Variants in KANSL1 observed in about 807,000 individuals in gnomAD.
The protein encoded by KANSL1 is MLL1/MLL complex subunit KANSL1.
KANSL1 carries 22 observed loss-of-function variants against 103.6 expected under a neutral mutation model. The observed-to-expected ratio is 0.21, with a 90% CI of 0.15 to 0.30. The LOEUF (loss-of-function observed/expected upper bound fraction) is 0.30, where lower values mean the gene tolerates loss of function less well. Among genes scored for constraint, KANSL1 ranks in the 10% least tolerant of loss-of-function variants. The pLI is 1.00. For missense variants in KANSL1, 1,337 were observed against 1,399.8 expected, an observed-to-expected ratio of 0.96 and a Z score of 0.72; for synonymous variants, 600 against 527.6, an observed-to-expected ratio of 1.14 and a Z score of -1.88.
chr17:46,103,448 T>C lies in KANSL1; in HGVS notation c.1290-8747A>G, dbSNP rs372588715. Reference sequence around the variant, plus strand: ...AAATGTAAGGTCTTTTAAGAATATATACCAGTATATTTTATAATCTAAAAA... The same window carrying C: ...AAATGTAAGGTCTTTTAAGAATATACACCAGTATATTTTATAATCTAAAAA... On this transcript the variant is annotated intron_variant, in intron 2 of 14. Coordinates refer to ENST00000432791, the MANE Select transcript of KANSL1 (RefSeq NM_015443.4). Among the ~76,000 whole-genome samples the C allele has an allele frequency of 5.9e-5, 9 of 152,344 alleles. 1 individual carries two copies. The East Asian group carries it at 9.6e-4, about 16-fold the overall frequency.
In KANSL1 at chr17:46,171,358, T is replaced by A; in HGVS notation, c.786A>T (p.Lys262Asn). ...TDSSSNLGGV[K>N]LEGKKSPLSS... is the part of the protein sequence containing the mutation. ...ACAGGGGAGACTTTTTACCCTCCAA[T>A]TTGACACCCCCCAAGTTAGAGCTGG... The change falls in exon 2 of 15, where the codon AAA becomes AAT. Residue 262 changes from lysine to asparagine, a missense_variant. Physicochemically the swap from Lys to Asn is moderately conservative, Grantham distance 94. Around this residue, in one of 2 missense-constraint regions of KANSL1, gnomAD observed 557 missense variants for 476.4 expected, o/e 1.17. Transcript: ENST00000432791. 1 of 1,614,202 alleles carries A rather than the reference T, an allele frequency of 6.2e-7. No homozygotes were observed. Among genetic ancestry groups the A allele is most frequent in the African/African-American group, 1.3e-5 (1 of 75,040 alleles).
chr17:46,171,369 C>G lies in KANSL1; in HGVS notation c.775G>C (p.Gly259Arg). Residue 259 changes from glycine to arginine, a missense_variant, in exon 2 of 15, where the codon GGG (glycine) becomes CGG (arginine). Transcript: ENST00000432791. ...SPGTDSSSNL[G>R]GVKLEGKKSP... Reference sequence around the variant, plus strand: ...TTTTTACCCTCCAATTTGACACCCCCCAAGTTAGAGCTGGAGTCTGTACCA... The same window carrying G: ...TTTTTACCCTCCAATTTGACACCCCGCAAGTTAGAGCTGGAGTCTGTACCA... 2.5e-6 allele frequency: 4 copies of G among 1,614,140 alleles called. No homozygotes were observed. The highest frequency in any genetic ancestry group is 1.1e-5 in the South Asian group (1 of 91,086).
intron 2 of KANSL1, among the ~76,000 whole-genome samples, chr17:46,158,665 C>A (rs548083622): frequency 1.3e-5 from 2 of 152,178 alleles, no homozygotes; most frequent in African/African-American, 4.8e-5. Context: ...CTCAGCGTCC[C>A]GAGTAGCTGG....
intron 2 of KANSL1, among the ~76,000 whole-genome samples, chr17:46,100,766 G>C (rs2042278668): frequency 6.6e-6 from 1 of 152,204 alleles, no homozygotes. Flanking sequence ...TGTCAATCCA[G>C]TAGAACAGGG....
At chr17:46,197,063 A>C (rs377628225), upstream of KANSL1, among the ~76,000 whole-genome samples, 103 of 152,298 alleles carry the variant, frequency 6.8e-4, 1 homozygote, top group South Asian at 0.021. Context: ...GCAGTGAACC[A>C]TGATCACGCC....
At chr17:46,144,679 T>TAAA (rs143437112) in intron 2 of KANSL1, among the ~76,000 whole-genome samples, 10 of 149,870 alleles carry the variant, frequency 6.7e-5, no homozygotes, top group South Asian at 2.1e-4. Flanking sequence ...TACTACATAA[T>TAAA]AAAAAAAAAA....
intron 4 of KANSL1, among the ~76,000 whole-genome samples, chr17:46,080,014 GGAGAGAGAGACAGA>G (rs903998119): frequency 6.0e-5 from 9 of 150,926 alleles, no homozygotes; most frequent in Admixed American, 4.0e-4. Flanking sequence ...AAGAGAGAGG[GGAGAGAGAGACAGA>G]GAGAGAGAGA....
At chr17:46,040,189 T>C (rs1027053167) in intron 7 of KANSL1, 4 of 403,296 alleles carry the variant, frequency 9.9e-6, no homozygotes, top group Admixed American at 8.2e-5. Flanking sequence ...GAAAACATCC[T>C]GTTTCTATTC....
intron 5 of KANSL1, 101 bp downstream of exon 5, chr17:46,067,448 G>A (rs964269161): frequency 2.7e-5 from 20 of 749,134 alleles, no homozygotes; most frequent in Non-Finnish European, 3.6e-5. Context: ...TAAGGCTTCC[G>A]CTTCTTTAAA....
rs1182791468 is a variant in KANSL1 at position 46,031,425 on chromosome 17, G to A, written c.*51C>T. ...TTGAATATCAAACGCAGAGATTTCTGAAGCTTTAATGCCAATAGTTAGTGA... is the reference window on the plus strand; with the variant it reads ...TTGAATATCAAACGCAGAGATTTCTAAAGCTTTAATGCCAATAGTTAGTGA... On this transcript the variant is annotated 3_prime_UTR_variant, in exon 15 of 15. Transcript: ENST00000432791. The A allele has an allele frequency of 1.4e-6, 2 of 1,478,420 alleles. No individual in the cohort carries two copies. The highest frequency in any genetic ancestry group is 2.5e-5 in the South Asian group (2 of 79,360). 91.6% of individuals were successfully genotyped at this position (1,478,420 alleles called of 1,614,324 possible). A position where few individuals can be genotyped will look rare whatever the true frequency, so the allele number is the denominator to read the frequency against.
intron 7 of KANSL1, 50 bp downstream of exon 7, chr17:46,050,483 A>C: frequency 6.4e-7 from 1 of 1,561,938 alleles, no homozygotes; most frequent in Non-Finnish European, 8.8e-7. Context: ...TTCACCTAGA[A>C]GTCTCTCAAG....
chr17:46,170,817 A>G (rs745487898), intron 2 of KANSL1, 38 bp downstream of exon 2: 5 of 1,533,274 alleles, frequency 3.3e-6, no homozygotes, highest in Admixed American at 2.1e-5. Context: ...TTGTGCCAAC[A>G]TTTCTCAAGA....
At chr17:46,033,043 C>T (rs757731106) in intron 13 of KANSL1, 37 bp downstream of exon 13, 2 of 1,499,658 alleles carry the variant, frequency 1.3e-6, no homozygotes, top group Non-Finnish European at 1.8e-6. Flanking sequence ...TCCACCCTCT[C>T]TCCACAGGCC....
chr17:46,105,025 C>T (rs1233122775), intron 2 of KANSL1, among the ~76,000 whole-genome samples: 2 of 152,136 alleles, frequency 1.3e-5, no homozygotes, highest in Non-Finnish European at 2.9e-5. Flanking sequence ...CTTGGACAGG[C>T]TGGTCTCAAA....
chr17:46,220,207 C>T lies in KANSL1; in HGVS notation c.-90+3464G>A, dbSNP rs558681863. 1.4e-4 allele frequency among the ~76,000 whole-genome samples: 22 copies of T among 152,282 alleles called. No homozygotes were observed. The East Asian group carries it at 2.1e-3, about 15-fold the overall frequency. Reference sequence around the variant, plus strand: ...GAGAAGAAAAGGAAGGATTGAGATGCTGTTCTTTAAAATTTTTTTTTTTTT... The same window carrying T: ...GAGAAGAAAAGGAAGGATTGAGATGTTGTTCTTTAAAATTTTTTTTTTTTT... On this transcript the variant is annotated intron_variant, in intron 1 of 14. Coordinates refer to the KANSL1 transcript ENST00000572904.
At chr17:46,111,630 A>G (rs955626839) in intron 2 of KANSL1, among the ~76,000 whole-genome samples, 3 of 152,262 alleles carry the variant, frequency 2.0e-5, no homozygotes, top group Non-Finnish European at 2.9e-5. Flanking sequence ...TCAGCAGACC[A>G]CAAAATACAA....
intron 1 of KANSL1, among the ~76,000 whole-genome samples, chr17:46,202,922 T>C (rs955174853): frequency 1.1e-4 from 17 of 152,156 alleles, no homozygotes; most frequent in Non-Finnish European, 2.4e-4. Flanking sequence ...AATGAAACTG[T>C]ATCTTCTTTG....
At chr17:46,138,271 C>A (rs2044253116) in intron 2 of KANSL1, among the ~76,000 whole-genome samples, 1 of 152,106 alleles carries the variant, frequency 6.6e-6, no homozygotes, top group Admixed American at 6.5e-5. Flanking sequence ...TACAGCTGAC[C>A]CTCTGTATTC....
chr17:46,037,806 T>C (rs2077193788), intron 10 of KANSL1: 1 of 152,196 alleles, frequency 6.6e-6, no homozygotes, highest in Non-Finnish European at 1.5e-5. Context: ...TTTGAGTAGG[T>C]CCATAGCAGC....
Sources: allele counts gnomAD v4.1 joint callset (sites outside exome capture counted in the v4.1 genomes callset), GRCh38; gene constraint gnomAD v4.1.1; regional missense constraint gnomAD v4.1.1; transcripts MANE v1.5; gene names NCBI Gene and HGNC (gene_info 2026-07-23, HGNC 2026-07-21).